SPATA17: variants seen among roughly 807,000 people sequenced by gnomAD.
SPATA17 encodes the protein spermatogenesis-associated protein 17.
A neutral mutation model predicts 62.2 loss-of-function variants in SPATA17; 53 were observed. The observed-to-expected ratio is 0.85, with a 90% CI of 0.68 to 1.07. SPATA17 has a LOEUF of 1.07. Ranked by LOEUF, SPATA17 falls within the 50% of genes least tolerant of loss-of-function variation. SPATA17 has a pLI of 0.00. For missense variants in SPATA17, 466 were observed against 425.5 expected, an observed-to-expected ratio of 1.10 and a Z score of -0.84; for synonymous variants, 146 against 146.8, an observed-to-expected ratio of 0.99 and a Z score of 0.04.
rs1312814724 is a variant in SPATA17 at position 217,867,125 on chromosome 1, A to G, written c.*106A>G. The G allele has an allele frequency of 6.6e-6, 1 of 152,216 alleles. No individual in the cohort carries two copies. Among genetic ancestry groups the G allele is most frequent in the Non-Finnish European group, 1.5e-5 (1 of 68,038 alleles). 9.4% of individuals were successfully genotyped at this position (152,216 alleles called of 1,614,324 possible). ...TAGGAAATATACTTGCTATGATTCA[A>G]TAAACTATAAAATTTTGTAGCTCTA... On this transcript the variant is annotated 3_prime_UTR_variant, in exon 11 of 11. Transcript: ENST00000366933.
intron 5 of SPATA17, among the ~76,000 whole-genome samples, chr1:217,720,472 A>C (rs1672100638): frequency 6.6e-6 from 1 of 152,036 alleles, no homozygotes. Context: ...TGAAATATGC[A>C]CAAAATGACT....
chr1:217,704,499 C>G (rs1671688112), intron 5 of SPATA17, among the ~76,000 whole-genome samples: 1 of 151,766 alleles, frequency 6.6e-6, no homozygotes, highest in African/African-American at 2.4e-5. Context: ...ATCCACCCGC[C>G]TCGGCCTCCC....
intron 3 of SPATA17, among the ~76,000 whole-genome samples, chr1:217,663,683 A>G (rs1670619129): frequency 6.6e-6 from 1 of 152,094 alleles, no homozygotes; most frequent in Non-Finnish European, 1.5e-5. Context: ...ACTTTAATGC[A>G]TATATTTCTT....
chr1:217,742,229 T>C, intron 6 of SPATA17, 131 bp downstream of exon 6: 1 of 1,262,984 alleles, frequency 7.9e-7, no homozygotes, highest in South Asian at 1.5e-5. Flanking sequence ...GAGTTCAATT[T>C]CGTGCTTCTG....
intron 6 of SPATA17, among the ~76,000 whole-genome samples, chr1:217,767,761 A>T (rs1673335199): frequency 6.6e-6 from 1 of 152,096 alleles, no homozygotes; most frequent in Non-Finnish European, 1.5e-5. Context: ...TACTTTATTC[A>T]TTAAGCCCTT....
At chr1:217,694,302 C>A (rs1671405289) in intron 5 of SPATA17, among the ~76,000 whole-genome samples, 1 of 119,152 alleles carries the variant, frequency 8.4e-6, no homozygotes, top group African/African-American at 3.5e-5. Context: ...TTATCAGAGA[C>A]TAGGATTGCA....
chr1:217,686,639 C>G (rs1163776579), intron 5 of SPATA17, among the ~76,000 whole-genome samples: 1 of 152,104 alleles, frequency 6.6e-6, no homozygotes, highest in Non-Finnish European at 1.5e-5. Flanking sequence ...TGTAGAAAAA[C>G]TGAAAATACA....
At chr1:217,849,412 T>C (rs1321716124) in intron 9 of SPATA17, among the ~76,000 whole-genome samples, 1 of 152,188 alleles carries the variant, frequency 6.6e-6, no homozygotes, top group African/African-American at 2.4e-5. Context: ...GCTGTTGTGT[T>C]ACTTATTCTT....
At position 217,797,042 on chromosome 1, in the gene SPATA17, G is replaced by A. The variant is rs78390417; in HGVS notation, c.873-4676G>A. On this transcript the variant is annotated intron_variant, in intron 8 of 10. Coordinates refer to ENST00000366933, the MANE Select transcript of SPATA17 (RefSeq NM_138796.4). The stretch of plus-strand genomic sequence containing the variant: ...ATTATTAACTATACTTACTACAATT[G>A]TAAAACATGTCTCATCCTATTTCAA... 5.3e-3 allele frequency among the ~76,000 whole-genome samples: 810 copies of A among 152,072 alleles called. 3 individuals are homozygous for A. The highest frequency in any genetic ancestry group is 0.017 in the Middle Eastern group (5 of 292).
At chr1:217,731,704 G>A (rs537247996) in intron 5 of SPATA17, among the ~76,000 whole-genome samples, 1 of 152,198 alleles carries the variant, frequency 6.6e-6, no homozygotes, top group Admixed American at 6.5e-5. Context: ...ACATTTTAGA[G>A]TATATTCTTG....
chr1:217,854,699 GA>G (rs202130163), intron 9 of SPATA17, among the ~76,000 whole-genome samples: 3 of 151,476 alleles, frequency 2.0e-5, no homozygotes, highest in Admixed American at 6.6e-5. Flanking sequence ...CTACTAGCTG[GA>G]AAAAAAAAGT....
intron 1 of SPATA17, among the ~76,000 whole-genome samples, chr1:217,633,359 A>G (rs930118150): frequency 3.3e-5 from 5 of 152,280 alleles, no homozygotes; most frequent in East Asian, 1.9e-4. Flanking sequence ...TCACAATGTT[A>G]TAAGTTAATG....
chr1:217,784,803 G>GAGGAC (rs1448480170), intron 8 of SPATA17, among the ~76,000 whole-genome samples: 2 of 152,272 alleles, frequency 1.3e-5, no homozygotes, highest in African/African-American at 4.8e-5. Context: ...AGAAGTTGAG[G>GAGGAC]AGGACAATGA....
chr1:217,861,310 TC>T (rs1055583217), intron 9 of SPATA17, among the ~76,000 whole-genome samples: 1 of 151,364 alleles, frequency 6.6e-6, no homozygotes, highest in Non-Finnish European at 1.5e-5. Flanking sequence ...CTAACCCATA[TC>T]ATTTGCCTCT....
At chr1:217,691,081 GT>G (rs1314459270) in intron 5 of SPATA17, among the ~76,000 whole-genome samples, 1 of 144,854 alleles carries the variant, frequency 6.9e-6, no homozygotes, top group Non-Finnish European at 1.5e-5. Context: ...TTCCACAATG[GT>G]TGAACTAGTT....
Position 217,714,488 on chromosome 1 carries a change from C to CTTTTTTTTTTTTTTTTT in SPATA17, c.396-27473_396-27472insTTTTTTTTTTTTTTTTT, listed in dbSNP as rs750665329. Among the ~76,000 whole-genome samples the CTTTTTTTTTTTTTTTTT allele has an allele frequency of 6.9e-3, 836 of 121,246 alleles. 95 individuals carry two copies. Among genetic ancestry groups the CTTTTTTTTTTTTTTTTT allele is most frequent in the Non-Finnish European group, 9.5e-3 (555 of 58,166 alleles). The allele number at this position is 121,246 out of a possible 152,430, so 79.5% of individuals were successfully genotyped here. Reference sequence around the variant, plus strand: ...TGAGTTGAACGTGGAAAACGTGTTTCTTTTTTTTTTTTTTGAGACAGAGTC... The same window carrying CTTTTTTTTTTTTTTTTT: ...TGAGTTGAACGTGGAAAACGTGTTTCTTTTTTTTTTTTTTTTTTTTTTTTTTTTTTTGAGACAGAGTC... On this transcript the variant is annotated intron_variant, in intron 5 of 10. Transcript: ENST00000366933.
At chr1:217,639,465 T>G (rs1670008539) in intron 1 of SPATA17, among the ~76,000 whole-genome samples, 1 of 151,682 alleles carries the variant, frequency 6.6e-6, no homozygotes, top group South Asian at 2.1e-4. Context: ...AAAATTAAAT[T>G]GGAACAAAGA....
intron 5 of SPATA17, among the ~76,000 whole-genome samples, chr1:217,706,953 G>A (rs1347098832): frequency 2.0e-5 from 3 of 150,902 alleles, no homozygotes; most frequent in Admixed American, 6.6e-5. Context: ...TGCAAACTCC[G>A]CCTCCCGGGT....
chr1:217,810,207 T>C (rs1391250654), intron 9 of SPATA17, among the ~76,000 whole-genome samples: 1 of 152,182 alleles, frequency 6.6e-6, no homozygotes, highest in East Asian at 1.9e-4. Context: ...TATGGAAATA[T>C]AGAAACTTTT....
Sources: allele counts gnomAD v4.1 joint callset (sites outside exome capture counted in the v4.1 genomes callset), GRCh38; gene constraint gnomAD v4.1.1; transcripts MANE v1.5; gene names NCBI Gene and HGNC (gene_info 2026-07-23, HGNC 2026-07-21).